The following PANX1 variants were observed in gnomAD, a reference collection of about 807,000 sequenced individuals.
The protein encoded by PANX1 is pannexin-1.
PANX1 carries 30 observed loss-of-function variants against 38.7 expected under a neutral mutation model. The observed-to-expected ratio is 0.78, with a 90% CI of 0.58 to 1.05. The LOEUF is 1.05. PANX1 is among the 50% of genes least tolerant of loss of function. The pLI, the probability that PANX1 is intolerant of heterozygous loss-of-function variation, is 0.00. For synonymous variants in PANX1, 230 were observed against 212.2 expected (o/e 1.08, Z -0.73); for missense variants, 551 against 517.2 (o/e 1.07, Z -0.63).
chr11:94,143,747 CT>C (rs1158289482), intron 1 of PANX1, among the ~76,000 whole-genome samples: 4,353 of 145,598 alleles, frequency 0.03, 180 homozygotes, highest in African/African-American at 0.1. Flanking sequence ...TCCTCCATAT[CT>C]TTTTTTTTTT....
rs545619066 is a variant in PANX1, at chr11:94,137,208, A to G, written c.181+7715A>G. ...AGTCCCAGCTACTTGGGAGGCTGAG[A>G]CAGGAGAATCGCTTGAACGCGGGAG... is the stretch of plus-strand genomic sequence containing the variant. On this transcript the variant is annotated intron_variant, in intron 1 of 4. Transcript: ENST00000227638. 1.4e-4 allele frequency among the ~76,000 whole-genome samples: 21 copies of G among 151,912 alleles called. 1 individual carries two copies. The South Asian group carries it at 3.3e-3, about 24-fold the overall frequency.
At chr11:94,146,837 T>TG in intron 1 of PANX1, among the ~76,000 whole-genome samples, 1 of 152,314 alleles carries the variant, frequency 6.6e-6, no homozygotes, top group East Asian at 1.9e-4. Flanking sequence ...TGAAAACAGT[T>TG]GCTATAAAGG....
chr11:94,166,948 T>C (rs905440306), intron 2 of PANX1, among the ~76,000 whole-genome samples: 5 of 152,258 alleles, frequency 3.3e-5, no homozygotes, highest in African/African-American at 9.6e-5. Flanking sequence ...GGCCTACAGT[T>C]ACTATGTCCT....
intron 3 of PANX1, among the ~76,000 whole-genome samples, chr11:94,179,307 C>T (rs905103383): frequency 2.6e-5 from 4 of 152,134 alleles, no homozygotes; most frequent in Non-Finnish European, 4.4e-5. Flanking sequence ...CTGTAAGAGG[C>T]GTATGCTTAC....
At position 94,180,118 on chromosome 11, in the gene PANX1, T is replaced by C. The variant is rs1280915662; in HGVS notation, c.1062T>C (p.Ile354=). ...AGTGTCTTAAGGTACTGGAGAATATTAAGAGCAGTGGTCAGGGGATCGACC... is the reference window on the plus strand; with the variant it reads ...AGTGTCTTAAGGTACTGGAGAATATCAAGAGCAGTGGTCAGGGGATCGACC... ...SYKCLKVLEN[I]KSSGQGIDPM... is the part of the protein sequence containing the mutation. The change falls in exon 4 of 5, where the codon ATT becomes ATC. Residue 354 remains isoleucine (I), a synonymous_variant. Coordinates refer to ENST00000227638, the MANE Select transcript of PANX1 (RefSeq NM_015368.4). 2 of 1,613,822 alleles carry C rather than the reference T, an allele frequency of 1.2e-6. No individual in the cohort carries two copies. Among genetic ancestry groups the C allele is most frequent in the Non-Finnish European group, 1.7e-6 (2 of 1,179,970 alleles).
intron 2 of PANX1, among the ~76,000 whole-genome samples, chr11:94,168,042 T>C (rs1340627635): frequency 6.6e-6 from 1 of 152,170 alleles, no homozygotes; most frequent in African/African-American, 2.4e-5. Context: ...GGGAGGCAGA[T>C]GGCTGTGGTG....
intron 1 of PANX1, among the ~76,000 whole-genome samples, chr11:94,142,120 C>T (rs1201934732): frequency 1.3e-5 from 2 of 152,160 alleles, no homozygotes; most frequent in African/African-American, 4.8e-5. Flanking sequence ...GGACACAGGA[C>T]TGCGTGGGGC....
rs377364972 is a variant in PANX1 at position 94,178,506 on chromosome 11, A to G, written c.459A>G (p.Ala153=). ...MEELDKVYNR[A]IKAAKSARDL... ...AACTTGACAAAGTTTACAACCGTGC[A>G]ATTAAGGCTGCAAAGAGTGCGCGTG... Residue 153 remains alanine, a synonymous_variant, in exon 3 of 5, where the codon GCA becomes GCG. Coordinates refer to ENST00000227638, the MANE Select transcript of PANX1 (RefSeq NM_015368.4). The G allele has an allele frequency of 1.8e-4, 287 of 1,614,000 alleles. No homozygotes were observed. Among genetic ancestry groups the G allele is most frequent in the Non-Finnish European group, 2.4e-4 (279 of 1,180,010 alleles).
At chr11:94,179,024 T>G (rs1394783015) in intron 3 of PANX1, among the ~76,000 whole-genome samples, 1 of 152,182 alleles carries the variant, frequency 6.6e-6, no homozygotes, top group African/African-American at 2.4e-5. Context: ...ACAACCTTCT[T>G]TTGGTTCTTG....
intron 2 of PANX1, among the ~76,000 whole-genome samples, chr11:94,167,071 C>G (rs1390519123): frequency 6.6e-6 from 1 of 152,180 alleles, no homozygotes; most frequent in Non-Finnish European, 1.5e-5. Context: ...TGGCCCAGGG[C>G]TGGTCTAAAT....
intron 1 of PANX1, among the ~76,000 whole-genome samples, chr11:94,138,948 G>T (rs755995275): frequency 3.9e-5 from 6 of 152,206 alleles, no homozygotes; most frequent in Non-Finnish European, 7.4e-5. Context: ...GATCTTTAAT[G>T]ATTTTATTTG....
At position 94,175,422 on chromosome 11, in the gene PANX1, C is replaced by A. The variant is rs60148814; in HGVS notation, c.322-2947C>A. ...TTACAATGAGCTGTGCTGAACTATTCATTGTACCACTTATTGTACCAAATT... is the reference window on the plus strand; with the variant it reads ...TTACAATGAGCTGTGCTGAACTATTAATTGTACCACTTATTGTACCAAATT... On this transcript the variant is annotated intron_variant, in intron 2 of 4. Coordinates refer to ENST00000227638, the MANE Select transcript of PANX1 (RefSeq NM_015368.4). 4.3e-3 allele frequency among the ~76,000 whole-genome samples: 648 copies of A among 151,796 alleles called. 27 individuals are homozygous for A. Among genetic ancestry groups the A allele is most frequent in the African/African-American group, 0.015 (617 of 41,084 alleles).
At chr11:94,169,257 C>T (rs7950055) in intron 2 of PANX1, among the ~76,000 whole-genome samples, 5,412 of 151,416 alleles carry the variant, frequency 0.036, 499 homozygotes, top group African/African-American at 0.13. Context: ...TAGGACCAGT[C>T]AACAGAGGAG....
Position 94,180,028 on chromosome 11 carries a change from G to T in PANX1, c.972G>T (p.Gly324=), listed in dbSNP as rs769116643. The change falls in exon 4 of 5, where the codon GGG becomes GGT. Residue 324 remains glycine, a synonymous_variant. Transcript: ENST00000227638. Reference sequence around the variant, plus strand: ...ATGTTCTGCATTTCAAATCTGAAGGGTACAACGATTTGAGCCTCTACAATC... The same window carrying T: ...ATGTTCTGCATTTCAAATCTGAAGGTTACAACGATTTGAGCCTCTACAATC... ...TFDVLHFKSE[G]YNDLSLYNLF... The T allele has an allele frequency of 5.0e-6, 8 of 1,606,024 alleles. No individual in the cohort carries two copies. In the Admixed American group the frequency reaches 1.2e-4, roughly 24 times the overall value.
Position 94,179,629 on chromosome 11 carries a change from C to T in PANX1, c.573C>T (p.Phe191=), listed in dbSNP as rs979995059. The T allele has an allele frequency of 6.2e-7, 1 of 1,613,548 alleles. No homozygotes were observed. Among genetic ancestry groups the T allele is most frequent in the African/African-American group, 1.3e-5 (1 of 74,906 alleles). ...QSLWEVSESH[F]KYPIVEQYLK... ...TGTGGGAGGTATCTGAAAGCCACTT[C>T]AAGTACCCAATTGTGGAGCAGTACT... The change falls in exon 4 of 5, where the codon TTC becomes TTT. Residue 191 remains phenylalanine, a synonymous_variant. Transcript: ENST00000227638.
rs1192204331 is a variant in PANX1 at position 94,181,058 on chromosome 11, T to G, written c.*189T>G. 1.7e-6 allele frequency: 1 copy of G among 574,380 alleles called. No individual in the cohort carries two copies. Among genetic ancestry groups the G allele is most frequent in the African/African-American group, 1.9e-5 (1 of 53,396 alleles). The allele number at this position is 574,380 out of a possible 1,614,324, so 35.6% of individuals were successfully genotyped here. Reference sequence around the variant, plus strand: ...GGTTATGGAAGAATGGTTTATGAACTTCCCATAGGAAGCACCTGAGAGATA... The same window carrying G: ...GGTTATGGAAGAATGGTTTATGAACGTCCCATAGGAAGCACCTGAGAGATA... On this transcript the variant is annotated 3_prime_UTR_variant, in exon 5 of 5. Coordinates refer to ENST00000227638, the MANE Select transcript of PANX1 (RefSeq NM_015368.4).
chr11:94,130,748 G>T (rs912736386), intron 1 of PANX1, among the ~76,000 whole-genome samples: 7 of 152,076 alleles, frequency 4.6e-5, no homozygotes, highest in African/African-American at 1.7e-4. Flanking sequence ...GGCCATGAAC[G>T]GCAGTACTGG....
rs887474317 is a variant in PANX1 at position 94,180,830 on chromosome 11, G to C, written c.1242G>C (p.Glu414Asp). 1 of 1,595,220 alleles carries C rather than the reference G, an allele frequency of 6.3e-7. No individual in the cohort carries two copies. The highest frequency in any genetic ancestry group is 8.6e-7 in the Non-Finnish European group (1 of 1,162,850). ...IDSETKANNGEKNARQRLLDS... is the reference protein window; with the variant it reads ...IDSETKANNGDKNARQRLLDS... ...GTGAAACTAAAGCAAATAATGGAGA[G>C]AAGAATGCCCGACAGAGACTTCTGG... The change falls in exon 5 of 5, where the codon GAG becomes GAC. Residue 414 changes from glutamate (E) to aspartate (D), a missense_variant. By Grantham distance (45) the Glu-to-Asp change is conservative. Coordinates refer to ENST00000227638, the MANE Select transcript of PANX1 (RefSeq NM_015368.4).
At chr11:94,149,153 A>G (rs1479466770) in intron 1 of PANX1, among the ~76,000 whole-genome samples, 1 of 152,168 alleles carries the variant, frequency 6.6e-6, no homozygotes, top group Non-Finnish European at 1.5e-5. Context: ...GGAACAAAAA[A>G]ATGGGGGGCG....
Sources: gnomAD v4.1 joint callset for allele counts (sites outside exome capture counted in the v4.1 genomes callset) on GRCh38, gnomAD v4.1.1 for gene constraint, MANE v1.5 for transcripts, NCBI Gene and HGNC (gene_info 2026-07-23, HGNC 2026-07-21) for gene names.